TMCC1: variants seen among roughly 807,000 people sequenced by gnomAD.
TMCC1 encodes transmembrane and coiled-coil domains protein 1.
TMCC1 carries 15 observed loss-of-function variants against 52.4 expected under a neutral mutation model. The observed-to-expected ratio is 0.29, with a 90% CI of 0.19 to 0.44. TMCC1 has a LOEUF of 0.44. TMCC1 is among the 20% of genes least tolerant of loss of function. The pLI is 1.00. For synonymous variants in TMCC1, 279 were observed against 301.9 expected (o/e 0.92, Z 0.79); for missense variants, 503 against 806.0 (o/e 0.62, Z 4.55).
At chr3:129,726,893 A>AAAAAAAAAAAAAAAAAAAAAC (rs1560278979) in intron 4 of TMCC1, among the ~76,000 whole-genome samples, 1 of 144,356 alleles carries the variant, frequency 6.9e-6, no homozygotes, top group African/African-American at 2.5e-5. Context: ...AAAAAAAAAA[A>AAAAAAAAAAAAAAAAAAAAAC]AAAAAGAACC....
chr3:129,841,671 G>C (rs2059429018), intron 2 of TMCC1, among the ~76,000 whole-genome samples: 1 of 152,196 alleles, frequency 6.6e-6, no homozygotes, highest in Non-Finnish European at 1.5e-5. Context: ...ATGTTTAAAA[G>C]GGAAGCAGAG....
At chr3:129,837,845 TTAGAAA>T (rs2059235387) in intron 2 of TMCC1, among the ~76,000 whole-genome samples, 1 of 151,976 alleles carries the variant, frequency 6.6e-6, no homozygotes, top group East Asian at 1.9e-4. Flanking sequence ...GGAAACCAAA[TTAGAAA>T]TAAAGACATA....
intron 4 of TMCC1, among the ~76,000 whole-genome samples, chr3:129,812,212 C>A (rs549642484): frequency 1.3e-5 from 2 of 151,358 alleles, no homozygotes; most frequent in Admixed American, 1.3e-4. Flanking sequence ...TGTGGTGGCA[C>A]GCACCTGTAA....
chr3:129,857,319 C>A (rs1274669597), intron 2 of TMCC1: 11 of 152,244 alleles, frequency 7.2e-5, no homozygotes, highest in African/African-American at 2.7e-4. Context: ...CCAGTGGCAG[C>A]AGACTGGACA....
At chr3:129,797,720 G>A (rs2056928970) in intron 4 of TMCC1, among the ~76,000 whole-genome samples, 1 of 152,160 alleles carries the variant, frequency 6.6e-6, no homozygotes, top group Non-Finnish European at 1.5e-5. Context: ...ACTCCAGCCT[G>A]GGCGACAGAG....
chr3:129,870,491 G>A (rs1044409095), intron 2 of TMCC1, among the ~76,000 whole-genome samples: 4 of 151,926 alleles, frequency 2.6e-5, no homozygotes, highest in Non-Finnish European at 5.9e-5. Flanking sequence ...TGTAATCCTA[G>A]CACTTTGGGA....
At chr3:129,733,601 T>C (rs955385031) in intron 4 of TMCC1, among the ~76,000 whole-genome samples, 1 of 152,128 alleles carries the variant, frequency 6.6e-6, no homozygotes, top group Non-Finnish European at 1.5e-5. Context: ...GAGGAAAAAT[T>C]TGGAAAGTGG....
intron 4 of TMCC1, among the ~76,000 whole-genome samples, chr3:129,674,763 A>G (rs924962104): frequency 2.0e-5 from 3 of 152,258 alleles, no homozygotes; most frequent in Non-Finnish European, 2.9e-5. Flanking sequence ...GAAGGCACCA[A>G]CTGAAAAGTG....
At chr3:129,695,586 T>C (rs1041719867) in intron 4 of TMCC1, among the ~76,000 whole-genome samples, 1 of 152,028 alleles carries the variant, frequency 6.6e-6, no homozygotes, top group Non-Finnish European at 1.5e-5. Context: ...CTTTTAAAAC[T>C]ATCAGATCTC....
At chr3:129,694,336 T>A (rs1576472878) in intron 4 of TMCC1, among the ~76,000 whole-genome samples, 1 of 152,220 alleles carries the variant, frequency 6.6e-6, no homozygotes, top group African/African-American at 2.4e-5. Context: ...AGGATGCCCC[T>A]GTATGACTAA....
At chr3:129,796,039 G>A (rs544780308) in intron 4 of TMCC1, among the ~76,000 whole-genome samples, 91 of 152,204 alleles carry the variant, frequency 6.0e-4, no homozygotes, top group Middle Eastern at 3.4e-3. Context: ...ATGTGTATAG[G>A]AAAAAACACA....
intron 6 of TMCC1, 46 bp downstream of exon 6, chr3:129,654,922 C>T (rs1483124741): frequency 1.9e-6 from 3 of 1,584,110 alleles, no homozygotes; most frequent in South Asian, 1.2e-5. Context: ...TTTTTTCTTT[C>T]TAACCCTACT....
At chr3:129,806,030 AGTAAT>A (rs1393856647) in intron 4 of TMCC1, among the ~76,000 whole-genome samples, 1 of 152,234 alleles carries the variant, frequency 6.6e-6, no homozygotes, top group African/African-American at 2.4e-5. Context: ...ACAAAACGTA[AGTAAT>A]GTAAGTGTCA....
intron 3 of TMCC1, among the ~76,000 whole-genome samples, chr3:129,831,758 C>CA (rs1417279595): frequency 6.6e-6 from 1 of 152,172 alleles, no homozygotes; most frequent in Non-Finnish European, 1.5e-5. Context: ...TCAATAGTCT[C>CA]AAAGTTGTAC....
intron 4 of TMCC1, among the ~76,000 whole-genome samples, chr3:129,724,470 G>A (rs1415754322): frequency 6.6e-6 from 1 of 152,192 alleles, no homozygotes; most frequent in Non-Finnish European, 1.5e-5. Context: ...CGACCTAGCT[G>A]AAGAACCCCA....
intron 4 of TMCC1, among the ~76,000 whole-genome samples, chr3:129,757,754 A>C (rs1247847057): frequency 6.6e-6 from 1 of 152,124 alleles, no homozygotes; most frequent in Admixed American, 6.6e-5. Flanking sequence ...GCTTGAACCC[A>C]GGAGGTTGAA....
chr3:129,836,545 C>CT (rs2059168446), intron 2 of TMCC1, among the ~76,000 whole-genome samples: 2 of 152,158 alleles, frequency 1.3e-5, no homozygotes, highest in Non-Finnish European at 2.9e-5. Flanking sequence ...TCAAAAAGAG[C>CT]TGGGAGGAAA....
intron 2 of TMCC1, among the ~76,000 whole-genome samples, chr3:129,836,682 C>T (rs972678196): frequency 5.3e-5 from 8 of 152,228 alleles, no homozygotes; most frequent in Non-Finnish European, 8.8e-5. Flanking sequence ...GTCCCAAGAG[C>T]ATGGAAGAAT....
chr3:129,732,435 T>G lies in TMCC1; in HGVS notation c.577-61171A>C, dbSNP rs138030016. Among the ~76,000 whole-genome samples, 3 of 152,226 alleles carry G rather than the reference T, an allele frequency of 2.0e-5. No homozygotes were observed. The East Asian group carries it at 5.8e-4, about 29-fold the overall frequency. On this transcript the variant is annotated intron_variant, in intron 4 of 6. Coordinates refer to ENST00000393238, the MANE Select transcript of TMCC1 (RefSeq NM_001017395.5). ...GCAATGGTCTAACCCCTACTTCATT[T>G]CTCAAAGTCTAGGTATACTGTTTGG...
Sources: gnomAD v4.1 joint callset for allele counts (sites outside exome capture counted in the v4.1 genomes callset) on GRCh38, gnomAD v4.1.1 for gene constraint, MANE v1.5 for transcripts, NCBI Gene and HGNC (gene_info 2026-07-23, HGNC 2026-07-21) for gene names.